The following DPP6 variants were observed in gnomAD, a reference collection of about 807,000 sequenced individuals.
DPP6 encodes dipeptidyl peptidase like 6, also known as A-type potassium channel modulatory protein DPP6.
A neutral mutation model predicts 122.6 loss-of-function variants in DPP6; 69 were observed. That is an observed-to-expected ratio of 0.56 (90% CI 0.46 to 0.69). The LOEUF (loss-of-function observed/expected upper bound fraction) is 0.69. DPP6 is among the 30% of genes least tolerant of loss of function. The pLI, the probability that DPP6 is intolerant of heterozygous loss-of-function variation, is 0.00. For synonymous variants in DPP6, 418 were observed against 433.1 expected, an observed-to-expected ratio of 0.97 and a Z score of 0.43; for missense variants, 928 against 1,116.9, an observed-to-expected ratio of 0.83 and a Z score of 2.41.
At chr7:153,808,405 G>A in the DPP6 span, among the ~76,000 whole-genome samples, 5 of 151,206 alleles carry the variant, frequency 3.3e-5, no homozygotes, top group African/African-American at 1.2e-4. Flanking sequence ...CTGTGTGTGT[G>A]CCTGTATGTG....
chr7:153,889,369 A>G (rs1029376157), intron 1 of DPP6, among the ~76,000 whole-genome samples: 2 of 152,212 alleles, frequency 1.3e-5, no homozygotes, highest in East Asian at 1.9e-4. Context: ...TAAATGCCCA[A>G]CCACATCCAT....
At chr7:154,830,779 C>T (rs1023872546) in intron 16 of DPP6, among the ~76,000 whole-genome samples, 12 of 152,246 alleles carry the variant, frequency 7.9e-5, no homozygotes, top group African/African-American at 2.9e-4. Context: ...CAAGCACACA[C>T]CGTGCACGCC....
rs576788269 is a variant in DPP6 at position 154,844,309 on chromosome 7, T to C, written c.1667-9471T>C. ...TCCTTGGTAAAAGTATTCTCTGTTG[T>C]TTCAGATAGGTTTAAAGTGTTCCTC... is the stretch of plus-strand genomic sequence containing the variant. On this transcript the variant is annotated intron_variant, in intron 16 of 25. Coordinates refer to ENST00000377770, the MANE Select transcript of DPP6 (RefSeq NM_130797.4). 1.4e-3 allele frequency among the ~76,000 whole-genome samples: 213 copies of C among 152,356 alleles called. 3 individuals are homozygous for C. The highest frequency in any genetic ancestry group is 1.4e-3 in the East Asian group (7 of 5,184).
intron 7 of DPP6, among the ~76,000 whole-genome samples, chr7:154,690,025 C>T (rs1292018352): frequency 6.6e-6 from 1 of 152,068 alleles, no homozygotes; most frequent in Non-Finnish European, 1.5e-5. Flanking sequence ...TCTCACTGGC[C>T]CACAATAACT....
chr7:154,780,145 T>C (rs575116771), intron 10 of DPP6, among the ~76,000 whole-genome samples: 2 of 152,300 alleles, frequency 1.3e-5, no homozygotes, highest in South Asian at 4.1e-4. Flanking sequence ...AGGGTCTTTG[T>C]TATTCATTAG....
At chr7:154,256,064 A>G (rs1022091616) in intron 1 of DPP6, among the ~76,000 whole-genome samples, 1 of 152,214 alleles carries the variant, frequency 6.6e-6, no homozygotes, top group Non-Finnish European at 1.5e-5. Context: ...ATGAAGCAAA[A>G]CTGTAATTGT....
chr7:154,485,199 G>C (rs1320608664), intron 3 of DPP6, among the ~76,000 whole-genome samples: 1 of 152,036 alleles, frequency 6.6e-6, no homozygotes, highest in African/African-American at 2.4e-5. Flanking sequence ...AAGAGGGACT[G>C]TGTTCTCCCA....
rs1843615436 is a variant in DPP6 at position 154,755,440 on chromosome 7, TACTA to T, written c.884-13976_884-13973del. Among the ~76,000 whole-genome samples the T allele has an allele frequency of 6.6e-6, 1 of 151,964 alleles. No individual in the cohort carries two copies. Among genetic ancestry groups the T allele is most frequent in the Admixed American group, 6.5e-5 (1 of 15,270 alleles). ...TATTTCCCATGGGTTATCTCTCACTTACTAGCTGTGTGAGCTTCGGCACATTATT... is the reference window on the plus strand; with the variant it reads ...TATTTCCCATGGGTTATCTCTCACTTGCTGTGTGAGCTTCGGCACATTATT... On this transcript the variant is annotated intron_variant, in intron 8 of 25. Transcript: ENST00000377770. The surrounding 1 kb of genome is among the most constrained non-coding windows in gnomAD (Gnocchi z 4.7).
chr7:154,262,814 C>T (rs1803122715), intron 1 of DPP6, among the ~76,000 whole-genome samples: 5 of 152,026 alleles, frequency 3.3e-5, no homozygotes, highest in Admixed American at 3.3e-4. Flanking sequence ...TTTTGTGGCC[C>T]AGCTGAGGAT....
chr7:154,502,906 C>T (rs1037781679), intron 3 of DPP6, among the ~76,000 whole-genome samples: 2 of 152,152 alleles, frequency 1.3e-5, no homozygotes, highest in Non-Finnish European at 2.9e-5. Context: ...CTTTTAAAGA[C>T]TCTAGTGAAA....
intron 1 of DPP6, among the ~76,000 whole-genome samples, chr7:154,284,819 C>T (rs1804747883): frequency 6.6e-6 from 1 of 152,224 alleles, no homozygotes; most frequent in African/African-American, 2.4e-5. Flanking sequence ...TGGGCCACTG[C>T]ACTCCAGCCT....
chr7:154,305,727 G>T (rs149586168), intron 1 of DPP6, among the ~76,000 whole-genome samples: 155 of 152,250 alleles, frequency 1.0e-3, no homozygotes, highest in Non-Finnish European at 2.0e-3. Context: ...GGGAGGAGAC[G>T]TAGAGTGCTG....
the DPP6 span, among the ~76,000 whole-genome samples, chr7:153,786,945 T>TTTTTTG: frequency 1.5e-4 from 22 of 145,162 alleles, no homozygotes; most frequent in Admixed American, 2.8e-4. Context: ...AGATTTCCTT[T>TTTTTTG]TTTTTGTTTT....
At chr7:154,747,074 G>A (rs1195540193) in intron 8 of DPP6, among the ~76,000 whole-genome samples, 2 of 152,098 alleles carry the variant, frequency 1.3e-5, no homozygotes, top group Admixed American at 6.6e-5. Context: ...GAAAATCCTG[G>A]TTTTCAGAAA....
chr7:154,589,668 A>G (rs565983852), intron 5 of DPP6, among the ~76,000 whole-genome samples: 8 of 152,214 alleles, frequency 5.3e-5, no homozygotes, highest in Non-Finnish European at 1.0e-4. Flanking sequence ...AAAATTACAT[A>G]GGCCATATGT....
chr7:154,753,406 C>T (rs956989964), intron 8 of DPP6, among the ~76,000 whole-genome samples: 1 of 152,110 alleles, frequency 6.6e-6, no homozygotes, highest in African/African-American at 2.4e-5. Context: ...TGCAGGGGCA[C>T]CTGCACTGGG....
rs1391096804 is a variant in DPP6, at chr7:154,343,509, C to T, written c.244-102705C>T. 2.6e-5 allele frequency among the ~76,000 whole-genome samples: 4 copies of T among 152,232 alleles called. No homozygotes were observed. In the East Asian group the frequency reaches 5.8e-4, roughly 22 times the overall value. On this transcript the variant is annotated intron_variant, in intron 1 of 25. Transcript: ENST00000377770. ...GTGCACATGTAGGATTGTTGTCTCA[C>T]GTATCAGTGGACCTGTCCCCTGCAG...
At chr7:154,079,907 G>A (rs1466171103) in intron 1 of DPP6, among the ~76,000 whole-genome samples, 1 of 151,706 alleles carries the variant, frequency 6.6e-6, no homozygotes, top group Non-Finnish European at 1.5e-5. Flanking sequence ...CCTGGAGAAT[G>A]GACCTGGTCT....
the DPP6 span, among the ~76,000 whole-genome samples, chr7:153,866,214 C>T: frequency 3.6e-3 from 552 of 152,088 alleles, 2 homozygotes; most frequent in Non-Finnish European, 6.2e-3. Context: ...TCTAGATCCC[C>T]GAGGAATCGC....
Sources: gnomAD v4.1 joint callset for allele counts (sites outside exome capture counted in the v4.1 genomes callset) on GRCh38, gnomAD v4.1.1 for gene constraint, Gnocchi (gnomAD v3.1) non-coding constraint, MANE v1.5 for transcripts, NCBI Gene and HGNC (gene_info 2026-07-23, HGNC 2026-07-21) for gene names.